Variants in PLOD3 observed in about 807,000 individuals in gnomAD.
PLOD3 encodes multifunctional procollagen lysine hydroxylase and glycosyltransferase LH3.
Under a neutral mutation model 96.9 loss-of-function variants are expected in PLOD3, and 73 were observed. The observed-to-expected ratio is 0.75, with a 90% CI of 0.62 to 0.92. The LOEUF (loss-of-function observed/expected upper bound fraction) is 0.92, where lower values mean the gene tolerates loss of function less well. Among genes scored for constraint, PLOD3 ranks in the 40% least tolerant of loss-of-function variants. The pLI, the probability that PLOD3 is intolerant of heterozygous loss-of-function variation, is 0.00. For missense variants in PLOD3, 1,004 were observed against 1,004.3 expected (o/e 1.00, Z 0.00); for synonymous variants, 454 against 413.7 (o/e 1.10, Z -1.18).
At position 101,217,460 on chromosome 7, in the gene PLOD3, T is replaced by G. The variant is rs1798298027; in HGVS notation, c.-186A>C. 8 of 518,296 alleles carry G rather than the reference T, an allele frequency of 1.5e-5. No individual in the cohort carries two copies. Among genetic ancestry groups the G allele is most frequent in the Admixed American group, 7.9e-5 (2 of 25,230 alleles). The allele number at this position is 518,296 out of a possible 1,614,324, so 32.1% of individuals were successfully genotyped here. A position where few individuals can be genotyped will look rare whatever the true frequency, so the allele number is the denominator to read the frequency against. ...TCCGGAGGCTACAGAAAGCTCCAGATGCCGGCGCCACAGACAAGGCGAGGA... is the reference window on the plus strand; with the variant it reads ...TCCGGAGGCTACAGAAAGCTCCAGAGGCCGGCGCCACAGACAAGGCGAGGA... On this transcript the variant is annotated 5_prime_UTR_variant, in exon 1 of 19. Coordinates refer to ENST00000223127, the MANE Select transcript of PLOD3 (RefSeq NM_001084.5).
At chr7:101,208,374 T>A (rs946029790) in intron 16 of PLOD3, among the ~76,000 whole-genome samples, 4 of 152,024 alleles carry the variant, frequency 2.6e-5, no homozygotes, top group South Asian at 2.1e-4. Context: ...CCCGAGTAGC[T>A]GGGACTACAG....
chr7:101,210,011 A>G, intron 15 of PLOD3, 82 bp downstream of exon 15: 1 of 689,442 alleles, frequency 1.5e-6, no homozygotes, highest in Non-Finnish European at 2.5e-6. Context: ...ACTCAGTGTG[A>G]AAACTTTGAA....
At chr7:101,216,094 C>T in intron 4 of PLOD3, 69 bp downstream of exon 4, 1 of 1,610,238 alleles carries the variant, frequency 6.2e-7, no homozygotes. Flanking sequence ...GTCTCCAGCC[C>T]TCAGGCGCCT....
In PLOD3 at chr7:101,215,927, T is replaced by C; in HGVS notation, c.596A>G (p.Tyr199Cys). ...DDDQLFYTRL[Y>C]LDPGLREKLS... ...CCCTACCCTCAGTCCTGGGTCCAGG[T>C]AGAGCCGTGTGTAGAACAGCTGGTC... The change falls in exon 5 of 19, where the codon TAC becomes TGC. Residue 199 changes from tyrosine (Y) to cysteine (C), a missense_variant. By Grantham distance (194) the Tyr-to-Cys change is radical. Around this residue, in one of 5 missense-constraint regions of PLOD3, gnomAD observed 690 missense variants for 650.2 expected, o/e 1.06. Transcript: ENST00000223127. The C allele has an allele frequency of 6.2e-7, 1 of 1,612,488 alleles. No homozygotes were observed. The highest frequency in any genetic ancestry group is 8.5e-7 in the Non-Finnish European group (1 of 1,178,584).
intron 10 of PLOD3, 37 bp downstream of exon 10, chr7:101,212,216 T>C: frequency 1.2e-6 from 2 of 1,608,198 alleles, no homozygotes; most frequent in Non-Finnish European, 1.7e-6. Context: ...CCCTACAGCC[T>C]CATCCCACCC....
Position 101,206,900 on chromosome 7 carries a change from C to A in PLOD3, c.1940G>T (p.Arg647Leu), listed in dbSNP as rs376302927. 6.4e-6 allele frequency: 10 copies of A among 1,556,532 alleles called. No individual in the cohort carries two copies. In the East Asian group the frequency reaches 2.4e-4, roughly 37 times the overall value. Residue 647 changes from arginine (R) to leucine (L), a missense_variant, in exon 18 of 19, where the codon CGG becomes CTG. Around this residue, in one of 5 missense-constraint regions of PLOD3, gnomAD observed 222 missense variants for 220.4 expected, o/e 1.01. Coordinates refer to ENST00000223127, the MANE Select transcript of PLOD3 (RefSeq NM_001084.5). ...SLFPGYHTKA[R>L]AVMNFVVRYR... ...GCGAACCACAAAGTTCATCACCGCC[C>A]GCGCCTGGGGGAGAGGAGGGAAGAG...
At chr7:101,208,746 C>G (rs188854533) in intron 16 of PLOD3, 107 bp downstream of exon 16, 41 of 764,540 alleles carry the variant, frequency 5.4e-5, no homozygotes, top group South Asian at 1.0e-4. Flanking sequence ...CTGCCTCCCC[C>G]CTGGGAACCC....
Position 101,208,908 on chromosome 7 carries a change from TCA to T in PLOD3, c.1731_1732del (p.Cys577Ter). 3 of 1,613,992 alleles carry T rather than the reference TCA, an allele frequency of 1.9e-6. No individual in the cohort carries two copies. The highest frequency in any genetic ancestry group is 2.5e-6 in the Non-Finnish European group (3 of 1,179,878). On this transcript the variant is annotated stop_gained and frameshift_variant, in exon 16 of 19. Coordinates refer to ENST00000223127, the MANE Select transcript of PLOD3 (RefSeq NM_001084.5). LOFTEE classifies it high-confidence loss of function. The stretch of plus-strand genomic sequence containing the variant: ...GTGCTCCATCTCTGCCACCAGCTCA[TCA>T]CACATTTGTTCTGACAGCAGTGGGA...
Position 101,210,616 on chromosome 7 carries a change from C to A in PLOD3, c.1416G>T (p.Leu472=). The change falls in exon 13 of 19, where the codon CTG becomes CTT. Residue 472 remains leucine (L), a synonymous_variant. Transcript: ENST00000223127. ...CATCCCTCTGGGGCAGCTCCATCCG[C>A]AGGGTATCACCCCGGATCACATAGG... The part of the protein sequence containing the change: ...SQAYVIRGDT[L]RMELPQRDVF... The A allele has an allele frequency of 6.2e-7, 1 of 1,614,180 alleles. No individual in the cohort carries two copies. The highest frequency in any genetic ancestry group is 1.3e-5 in the African/African-American group (1 of 75,066).
chr7:101,212,959 T>C lies in PLOD3; in HGVS notation c.778-16A>G. On this transcript the variant is annotated splice_polypyrimidine_tract_variant and intron_variant, in intron 7 of 18. Coordinates refer to ENST00000223127, the MANE Select transcript of PLOD3 (RefSeq NM_001084.5). ...TGAGCTGCAGCTGTTGGGGACAGAC[T>C]GAGGCTGAGTGGCTGAGGCCTCCAG... The C allele has an allele frequency of 6.3e-7, 1 of 1,588,916 alleles. No homozygotes were observed. Among genetic ancestry groups the C allele is most frequent in the Admixed American group, 1.7e-5 (1 of 59,922 alleles).
chr7:101,209,267 C>T (rs1190405038), intron 15 of PLOD3, among the ~76,000 whole-genome samples: 2 of 151,688 alleles, frequency 1.3e-5, no homozygotes, highest in Non-Finnish European at 2.9e-5. Context: ...AGTGCAGTGG[C>T]ACAATCATAG....
At chr7:101,209,644 G>A (rs1039446260) in intron 15 of PLOD3, among the ~76,000 whole-genome samples, 25 of 150,532 alleles carry the variant, frequency 1.7e-4, no homozygotes, top group East Asian at 2.0e-4. Flanking sequence ...TGCCTGCCTC[G>A]GCCTCTCAAT....
chr7:101,216,268 C>T lies in PLOD3; in HGVS notation c.397G>A (p.Gly133Ser), dbSNP rs1305502313. ...TCTGCAGAGAAGAGCAGGCGGCTGC[C>T]ACTCTGGACGAACTTCTTCAGCAGC... is the stretch of plus-strand genomic sequence containing the variant. ...TELLKKFVQS[G>S]SRLLFSAESF... is the part of the protein sequence containing the mutation. Residue 133 changes from glycine (G) to serine (S), a missense_variant, in exon 4 of 19, where the codon GGC becomes AGC. Gly to Ser is a moderately conservative substitution (Grantham distance 56). Coordinates refer to ENST00000223127, the MANE Select transcript of PLOD3 (RefSeq NM_001084.5). 1 of 1,613,524 alleles carries T rather than the reference C, an allele frequency of 6.2e-7. No individual in the cohort carries two copies. The highest frequency in any genetic ancestry group is 8.5e-7 in the Non-Finnish European group (1 of 1,180,034).
At chr7:101,216,374 C>A (rs1221244304) in intron 3 of PLOD3, 36 bp downstream of exon 3, 1 of 1,613,710 alleles carries the variant, frequency 6.2e-7, no homozygotes, top group African/African-American at 1.3e-5. Context: ...GGAACCTCAG[C>A]ATCCTTACCC....
At position 101,211,750 on chromosome 7, in the gene PLOD3, G is replaced by C. The variant is rs2301904; in HGVS notation, c.1233-34C>G. On this transcript the variant is annotated intron_variant, in intron 11 of 18. Coordinates refer to ENST00000223127, the MANE Select transcript of PLOD3 (RefSeq NM_001084.5). ...AGGTGGGGGTGAGGGCTGGGCAGAC[G>C]GGAGCAGGCCTGGGGAGCCCGGTGC... The C allele has an allele frequency of 8.3e-3, 13,327 of 1,596,818 alleles. 219 individuals are homozygous for C. The highest frequency in any genetic ancestry group is 0.078 in the East Asian group (3,471 of 44,222).
chr7:101,217,097 T>G (rs976686571), intron 1 of PLOD3, 69 bp downstream of exon 1: 6 of 1,425,074 alleles, frequency 4.2e-6, no homozygotes, highest in Non-Finnish European at 5.5e-6. Flanking sequence ...TCCGACCCTC[T>G]CCGGGCCAGG....
chr7:101,213,643 G>T, intron 6 of PLOD3: 1 of 192,580 alleles, frequency 5.2e-6, no homozygotes, highest in South Asian at 9.3e-5. Flanking sequence ...CAGCCTTTCA[G>T]GTAGCTGAGA....
At chr7:101,212,813 C>A in intron 8 of PLOD3, 29 bp downstream of exon 8, 1 of 1,581,652 alleles carries the variant, frequency 6.3e-7, no homozygotes, top group Non-Finnish European at 8.7e-7. Flanking sequence ...GCTGCCCTCT[C>A]GTGCCCCTCC....
At chr7:101,215,254 C>T in intron 5 of PLOD3, 102 bp from the exon 6 acceptor site, 1 of 935,160 alleles carries the variant, frequency 1.1e-6, no homozygotes. Context: ...GCTTTTGTTG[C>T]TTAGGCTGGA....
Sources: gnomAD v4.1 joint callset for allele counts (sites outside exome capture counted in the v4.1 genomes callset) on GRCh38, gnomAD v4.1.1 for gene constraint, gnomAD v4.1.1 regional missense constraint, MANE v1.5 for transcripts, NCBI Gene and HGNC (gene_info 2026-07-23, HGNC 2026-07-21) for gene names.